Variants in CTNNA3 observed in about 807,000 individuals in gnomAD.
CTNNA3 encodes catenin alpha 3.
In CTNNA3, 76 loss-of-function variants were observed where a neutral mutation model predicts 95.7. The ratio of observed to expected loss-of-function variants is 0.79; its 90% CI spans 0.66 to 0.96. The LOEUF is 0.96. Among genes scored for constraint, CTNNA3 ranks in the 40% least tolerant of loss-of-function variants. CTNNA3 has a pLI of 0.00. For missense variants in CTNNA3, 1,191 were observed against 1,089.8 expected (o/e 1.09, Z -1.31); for synonymous variants, 431 against 374.4 (o/e 1.15, Z -1.74).
intron 7 of CTNNA3, among the ~76,000 whole-genome samples, chr10:67,022,333 CTG>C (rs150014515): frequency 1.3e-3 from 202 of 151,476 alleles, no homozygotes; most frequent in African/African-American, 4.7e-3. Flanking sequence ...ACACATGCCT[CTG>C]TGTGTGTGTG....
chr10:67,433,533 T>C (rs1589285147), intron 5 of CTNNA3, among the ~76,000 whole-genome samples: 2 of 152,044 alleles, frequency 1.3e-5, no homozygotes, highest in South Asian at 2.1e-4. Context: ...CTGTAAAAAA[T>C]GCAGTAACTG....
Position 67,226,926 on chromosome 10 carries a change from C to G in CTNNA3, c.580-7056G>C, listed in dbSNP as rs117886114. 5.5e-3 allele frequency among the ~76,000 whole-genome samples: 838 copies of G among 152,250 alleles called. 3 individuals are homozygous for G. The highest frequency in any genetic ancestry group is 0.01 in the Middle Eastern group (3 of 294). The stretch of plus-strand genomic sequence containing the variant: ...ACAGAATGTAAATGGCTTAAATGCT[C>G]GACTTAAAAGATACAGAACCACAGA... On this transcript the variant is annotated intron_variant, in intron 5 of 17. Transcript: ENST00000433211.
At chr10:67,222,356 C>T (rs1864701970) in intron 5 of CTNNA3, among the ~76,000 whole-genome samples, 1 of 152,150 alleles carries the variant, frequency 6.6e-6, no homozygotes, top group Non-Finnish European at 1.5e-5. Flanking sequence ...TTAGTTCTGT[C>T]ATTAGCACTG....
At chr10:66,114,740 G>C (rs1439895885) in intron 13 of CTNNA3, among the ~76,000 whole-genome samples, 1 of 151,362 alleles carries the variant, frequency 6.6e-6, no homozygotes, top group African/African-American at 2.4e-5. Flanking sequence ...TTAGTTGGGC[G>C]TGGTGGCACG....
At chr10:66,445,691 T>C (rs915306344) in intron 11 of CTNNA3, among the ~76,000 whole-genome samples, 7 of 151,886 alleles carry the variant, frequency 4.6e-5, no homozygotes, top group African/African-American at 1.2e-4. Context: ...GAGGAAAATT[T>C]ATAGCACTAA....
At chr10:65,929,369 A>C (rs1161756030) in intron 17 of CTNNA3, among the ~76,000 whole-genome samples, 2 of 152,162 alleles carry the variant, frequency 1.3e-5, no homozygotes, top group Admixed American at 6.5e-5. Context: ...CCTGTGTTTG[A>C]GTCCCAACTC....
intron 2 of CTNNA3, among the ~76,000 whole-genome samples, chr10:67,642,695 T>C (rs1839577322): frequency 6.6e-6 from 1 of 150,852 alleles, no homozygotes; most frequent in Non-Finnish European, 1.5e-5. Context: ...CCAGCCTGGG[T>C]GACAGAGCAA....
chr10:66,307,778 T>C (rs1472243291), intron 12 of CTNNA3, among the ~76,000 whole-genome samples: 3 of 152,246 alleles, frequency 2.0e-5, no homozygotes, highest in Non-Finnish European at 4.4e-5. Flanking sequence ...TTTTTTGACA[T>C]TATCTAAAAC....
At chr10:67,750,284 A>G in intron 1 of CTNNA3, 1 of 1,518,108 alleles carries the variant, frequency 6.6e-7, no homozygotes, top group Non-Finnish European at 9.1e-7. Flanking sequence ...TGCACCAACC[A>G]TGGCCATCTT....
intron 13 of CTNNA3, among the ~76,000 whole-genome samples, chr10:66,122,566 A>G (rs1316196037): frequency 6.6e-6 from 1 of 152,212 alleles, no homozygotes; most frequent in Non-Finnish European, 1.5e-5. Context: ...AAAACCAAAG[A>G]CATCTTGAAG....
intron 1 of CTNNA3, among the ~76,000 whole-genome samples, chr10:67,714,978 T>C (rs1841134366): frequency 6.6e-6 from 1 of 152,190 alleles, no homozygotes; most frequent in Non-Finnish European, 1.5e-5. Flanking sequence ...CAATAAACCT[T>C]TCTTTTGTAA....
chr10:67,465,578 C>A (rs1377738036), intron 5 of CTNNA3, among the ~76,000 whole-genome samples: 1 of 152,116 alleles, frequency 6.6e-6, no homozygotes. Context: ...GGTCCACAGC[C>A]TTCAGGGAAA....
At chr10:67,141,003 G>A (rs906722667) in intron 7 of CTNNA3, among the ~76,000 whole-genome samples, 1 of 152,188 alleles carries the variant, frequency 6.6e-6, no homozygotes, top group African/African-American at 2.4e-5. Flanking sequence ...TCCCATGCTT[G>A]AGAAGAGAAT....
chr10:66,856,888 T>A (rs1843704808), intron 7 of CTNNA3, among the ~76,000 whole-genome samples: 1 of 152,116 alleles, frequency 6.6e-6, no homozygotes, highest in Admixed American at 6.6e-5. Flanking sequence ...TCTTTTGCTG[T>A]GCAGAAGCTC....
intron 13 of CTNNA3, among the ~76,000 whole-genome samples, chr10:66,244,076 C>G (rs1381212684): frequency 1.3e-5 from 2 of 152,158 alleles, no homozygotes; most frequent in East Asian, 1.9e-4. Flanking sequence ...ACTAAAGAGC[C>G]CTTGGGTCTT....
chr10:67,042,904 G>A (rs1185525182), intron 7 of CTNNA3, among the ~76,000 whole-genome samples: 1 of 152,106 alleles, frequency 6.6e-6, no homozygotes, highest in Non-Finnish European at 1.5e-5. Context: ...TATATTTCCT[G>A]TAACAAATTT....
At chr10:66,436,896 C>A (rs2093341987) in intron 11 of CTNNA3, among the ~76,000 whole-genome samples, 1 of 152,138 alleles carries the variant, frequency 6.6e-6, no homozygotes. Context: ...GTGACAAAAT[C>A]TCTCAGCATT....
chr10:67,226,653 C>G (rs778766631), intron 5 of CTNNA3, among the ~76,000 whole-genome samples: 5 of 152,174 alleles, frequency 3.3e-5, no homozygotes, highest in Non-Finnish European at 7.4e-5. Context: ...AAGATACAGT[C>G]TTTTTCAGAC....
At chr10:66,605,947 A>C (rs1844106483) in intron 10 of CTNNA3, among the ~76,000 whole-genome samples, 1 of 152,170 alleles carries the variant, frequency 6.6e-6, no homozygotes, top group African/African-American at 2.4e-5. Flanking sequence ...TCGAATCCAC[A>C]CATACCAATA....
Sources: allele counts gnomAD v4.1 joint callset (sites outside exome capture counted in the v4.1 genomes callset), GRCh38; gene constraint gnomAD v4.1.1; transcripts MANE v1.5; gene names NCBI Gene and HGNC (gene_info 2026-07-23, HGNC 2026-07-21).